Variants in HMBOX1 observed in about 807,000 individuals in gnomAD.
The protein encoded by HMBOX1 is homeobox-containing protein 1.
In HMBOX1, 14 loss-of-function variants were observed where a neutral mutation model predicts 54.5. That is an observed-to-expected ratio of 0.26 (90% CI 0.17 to 0.40). The LOEUF is 0.40. Ranked by LOEUF, HMBOX1 falls within the 10% of genes least tolerant of loss-of-function variation. The probability of loss-of-function intolerance (pLI) is 1.00; values close to 1 mark genes in which losing one functional copy is unlikely to be tolerated. For synonymous variants in HMBOX1, 160 were observed against 181.0 expected (o/e 0.88, Z 0.93); for missense variants, 332 against 514.4 (o/e 0.65, Z 3.43).
At chr8:28,909,736 C>T (rs1453950194) in intron 1 of HMBOX1, among the ~76,000 whole-genome samples, 1 of 152,142 alleles carries the variant, frequency 6.6e-6, no homozygotes, top group East Asian at 1.9e-4. Context: ...AAACAACAAA[C>T]TTTACTGACA....
At chr8:29,005,990 ATTTTTTTTTT>A (rs775589443) in intron 4 of HMBOX1, among the ~76,000 whole-genome samples, 1 of 120,860 alleles carries the variant, frequency 8.3e-6, no homozygotes, top group Non-Finnish European at 1.7e-5. Context: ...GATGCATTCT[ATTTTTTTTTT>A]TTTTTTTTTT....
intron 1 of HMBOX1, among the ~76,000 whole-genome samples, chr8:28,943,060 G>C (rs1056882688): frequency 6.6e-6 from 1 of 152,106 alleles, no homozygotes; most frequent in Non-Finnish European, 1.5e-5. Flanking sequence ...TTTGATGATT[G>C]ATCAGGCAGT....
At chr8:28,902,851 T>G (rs901408951) in intron 1 of HMBOX1, among the ~76,000 whole-genome samples, 3 of 152,172 alleles carry the variant, frequency 2.0e-5, no homozygotes, top group African/African-American at 7.2e-5. Flanking sequence ...TCAAAGAGCA[T>G]GTATGATGGA....
At chr8:28,946,591 A>G (rs1195293670) in intron 1 of HMBOX1, among the ~76,000 whole-genome samples, 1 of 151,992 alleles carries the variant, frequency 6.6e-6, no homozygotes, top group Non-Finnish European at 1.5e-5. Context: ...AATATATACA[A>G]TTGTGTTTGA....
Position 28,895,635 on chromosome 8 carries a change from G to A in HMBOX1, c.-58+4957G>A, listed in dbSNP as rs192653693. On this transcript the variant is annotated intron_variant, in intron 1 of 9. Coordinates refer to ENST00000287701, the MANE Select transcript of HMBOX1 (RefSeq NM_001135726.3). ...GGTTGTAGTGAGCTGAGATTGCGCCGCTGCACTCCAGCCTGGGCAACAGAG... is the reference window on the plus strand; with the variant it reads ...GGTTGTAGTGAGCTGAGATTGCGCCACTGCACTCCAGCCTGGGCAACAGAG... Among the ~76,000 whole-genome samples, 248 of 151,318 alleles carry A rather than the reference G, an allele frequency of 1.6e-3. 4 individuals are homozygous for A. In the East Asian group the frequency reaches 0.027, roughly 16 times the overall value.
At chr8:28,990,214 A>T (rs972070250) in intron 4 of HMBOX1, among the ~76,000 whole-genome samples, 1 of 152,132 alleles carries the variant, frequency 6.6e-6, no homozygotes, top group African/African-American at 2.4e-5. Flanking sequence ...CTAACAGTTC[A>T]ATCTTGAATA....
At position 29,048,023 on chromosome 8, in the gene HMBOX1, A is replaced by C. The variant is rs535693480; in HGVS notation, c.1030+570A>C. Among the ~76,000 whole-genome samples the C allele has an allele frequency of 2.0e-5, 3 of 152,366 alleles. No individual in the cohort carries two copies. The South Asian group carries it at 6.2e-4, about 32-fold the overall frequency. On this transcript the variant is annotated intron_variant, in intron 8 of 9. Transcript: ENST00000287701. ...AAAGTTCTAGAATATAGAATTAGACATGGCCCCTGAGCAATTGATTACTCC... is the reference window on the plus strand; with the variant it reads ...AAAGTTCTAGAATATAGAATTAGACCTGGCCCCTGAGCAATTGATTACTCC...
At chr8:28,890,142 A>C (rs544571293), upstream of HMBOX1, 1 of 526,330 alleles carries the variant, frequency 1.9e-6, no homozygotes, top group Non-Finnish European at 3.4e-6. Flanking sequence ...CCGCCAATGC[A>C]TCCTCCCTCT....
chr8:29,028,158 TC>T (rs1563610934), intron 6 of HMBOX1, among the ~76,000 whole-genome samples: 1 of 152,126 alleles, frequency 6.6e-6, no homozygotes, highest in Non-Finnish European at 1.5e-5. Context: ...AGTATCTCTT[TC>T]CCCCAAATTT....
chr8:28,948,521 A>G (rs1388899630), intron 1 of HMBOX1, among the ~76,000 whole-genome samples: 1 of 152,190 alleles, frequency 6.6e-6, no homozygotes, highest in East Asian at 1.9e-4. Flanking sequence ...ATCCTTGTCT[A>G]TGGCCAGCTA....
intron 6 of HMBOX1, among the ~76,000 whole-genome samples, chr8:29,026,127 A>G (rs921250494): frequency 2.6e-5 from 4 of 152,122 alleles, no homozygotes; most frequent in African/African-American, 4.8e-5. Flanking sequence ...AATGATATGT[A>G]TATTTCCTAG....
intron 3 of HMBOX1, among the ~76,000 whole-genome samples, chr8:28,978,083 T>A (rs1180391022): frequency 6.6e-6 from 1 of 152,252 alleles, no homozygotes; most frequent in African/African-American, 2.4e-5. Flanking sequence ...TTAGGAATAT[T>A]TTTGATCAGG....
chr8:29,038,206 T>C (rs971616037), intron 6 of HMBOX1, among the ~76,000 whole-genome samples: 2 of 152,192 alleles, frequency 1.3e-5, no homozygotes, highest in Non-Finnish European at 2.9e-5. Context: ...GTTACTAGCT[T>C]ATGGTTTCTC....
chr8:28,896,389 G>GTAGACTCT (rs1340199113), intron 1 of HMBOX1, among the ~76,000 whole-genome samples: 2 of 131,358 alleles, frequency 1.5e-5, no homozygotes, highest in Non-Finnish European at 1.8e-5. Context: ...CAGGTGTGTA[G>GTAGACTCT]ATTGCATAAT....
intron 1 of HMBOX1, among the ~76,000 whole-genome samples, chr8:28,927,425 G>A (rs1309107315): frequency 1.3e-5 from 2 of 152,156 alleles, no homozygotes; most frequent in Non-Finnish European, 2.9e-5. Flanking sequence ...TACAAGAAGC[G>A]TGACACCAGC....
intron 1 of HMBOX1, among the ~76,000 whole-genome samples, chr8:28,933,525 C>T (rs1396647411): frequency 6.6e-6 from 1 of 152,084 alleles, no homozygotes; most frequent in African/African-American, 2.4e-5. Context: ...GCTTTGAAAT[C>T]AAGATCAATA....
chr8:28,926,286 T>G (rs944901583), intron 1 of HMBOX1, among the ~76,000 whole-genome samples: 5 of 129,418 alleles, frequency 3.9e-5, no homozygotes, highest in Non-Finnish European at 8.0e-5. Context: ...ATGGCAGATA[T>G]ATATATATAT....
chr8:28,899,846 A>G (rs887939284), intron 1 of HMBOX1, among the ~76,000 whole-genome samples: 1 of 152,218 alleles, frequency 6.6e-6, no homozygotes, highest in East Asian at 1.9e-4. Flanking sequence ...TTACAAAGCC[A>G]CAGGAGATAA....
chr8:28,988,996 A>G (rs1283961247), intron 4 of HMBOX1, among the ~76,000 whole-genome samples: 4 of 151,984 alleles, frequency 2.6e-5, no homozygotes, highest in Non-Finnish European at 4.4e-5. Flanking sequence ...AACAGGACCA[A>G]GTGCGGTGGC....
Sources: allele counts gnomAD v4.1 joint callset (sites outside exome capture counted in the v4.1 genomes callset), GRCh38; gene constraint gnomAD v4.1.1; transcripts MANE v1.5; gene names NCBI Gene and HGNC (gene_info 2026-07-23, HGNC 2026-07-21).